The following CDH13 variants were observed in gnomAD, a reference collection of about 807,000 sequenced individuals.
The protein encoded by CDH13 is cadherin 13, also known as cadherin-13.
Under a neutral mutation model 63.8 loss-of-function variants are expected in CDH13, and 24 were observed. That is an observed-to-expected ratio of 0.38 (90% CI 0.27 to 0.53). CDH13 has a LOEUF of 0.53. Among genes scored for constraint, CDH13 ranks in the 20% least tolerant of loss-of-function variants. CDH13 has a pLI of 0.85. For missense variants in CDH13, 1,049 were observed against 903.1 expected, an observed-to-expected ratio of 1.16 and a Z score of -2.07; for synonymous variants, 503 against 355.3, an observed-to-expected ratio of 1.42 and a Z score of -4.67.
chr16:83,151,113 A>T (rs1460753638), intron 4 of CDH13, among the ~76,000 whole-genome samples: 1 of 152,212 alleles, frequency 6.6e-6, no homozygotes, highest in South Asian at 2.1e-4. Context: ...TTATTCACCC[A>T]GATACTAATC....
chr16:83,105,315 T>G (rs1258093701), intron 3 of CDH13, among the ~76,000 whole-genome samples: 1 of 152,244 alleles, frequency 6.6e-6, no homozygotes, highest in Non-Finnish European at 1.5e-5. Context: ...TCTCTGAGTC[T>G]GTCCTGGAAT....
chr16:83,483,401 G>T (rs750423288), intron 6 of CDH13, among the ~76,000 whole-genome samples: 17 of 151,310 alleles, frequency 1.1e-4, no homozygotes, highest in Admixed American at 9.2e-4. Context: ...TATCCAACCT[G>T]TAAACAAAAA....
chr16:83,375,808 A>C (rs551066302), intron 6 of CDH13, among the ~76,000 whole-genome samples: 1 of 152,150 alleles, frequency 6.6e-6, no homozygotes, highest in Non-Finnish European at 1.5e-5. Flanking sequence ...TGAAAGAGTA[A>C]GGCTTGATCT....
intron 8 of CDH13, among the ~76,000 whole-genome samples, chr16:83,623,853 G>C (rs17688206): frequency 0.059 from 9,026 of 152,280 alleles, 392 homozygotes; most frequent in Non-Finnish European, 0.094. Context: ...AGACAAATCA[G>C]TTAGCGGAAG....
At chr16:83,683,200 A>T (rs1269026963) in intron 10 of CDH13, among the ~76,000 whole-genome samples, 1 of 152,270 alleles carries the variant, frequency 6.6e-6, no homozygotes, top group Non-Finnish European at 1.5e-5. Context: ...CTTGTTAAAA[A>T]GCCCTTCACA....
chr16:83,062,461 G>A (rs980313479), intron 3 of CDH13, among the ~76,000 whole-genome samples: 4 of 152,238 alleles, frequency 2.6e-5, no homozygotes, highest in South Asian at 4.1e-4. Context: ...ATTTCTAATC[G>A]AATAGCAGTT....
chr16:82,967,859 C>G (rs780227582), intron 2 of CDH13, among the ~76,000 whole-genome samples: 1 of 152,178 alleles, frequency 6.6e-6, no homozygotes, highest in Non-Finnish European at 1.5e-5. Context: ...TTAATTTTTC[C>G]TCCTTTGTAA....
chr16:83,227,574 C>T (rs1344595381), intron 5 of CDH13, among the ~76,000 whole-genome samples: 1 of 152,210 alleles, frequency 6.6e-6, no homozygotes, highest in Non-Finnish European at 1.5e-5. Context: ...CGATTCTGGC[C>T]TGCCCACTGC....
intron 5 of CDH13, among the ~76,000 whole-genome samples, chr16:83,328,464 T>C (rs560371769): frequency 6.6e-6 from 1 of 152,258 alleles, no homozygotes; most frequent in African/African-American, 2.4e-5. Flanking sequence ...AGAAGACAAT[T>C]GACATAGGAT....
chr16:83,111,317 T>C (rs1395360626), intron 3 of CDH13, among the ~76,000 whole-genome samples: 2 of 152,192 alleles, frequency 1.3e-5, no homozygotes, highest in Non-Finnish European at 2.9e-5. Context: ...GAATGTCCCA[T>C]GTGCAGTGAG....
chr16:83,344,919 G>C lies in CDH13; in HGVS notation c.694G>C (p.Glu232Gln). Reference sequence around the variant, plus strand: ...AACTCTCGAGGGGCCGGTGCCTCTGGAAGTCATTGTGATTGATCAGAATGA... The same window carrying C: ...AACTCTCGAGGGGCCGGTGCCTCTGCAAGTCATTGTGATTGATCAGAATGA... Reference protein sequence around the residue: ...GKTLEGPVPLEVIVIDQNDNR... With the variant: ...GKTLEGPVPLQVIVIDQNDNR... The change falls in exon 6 of 14, where the codon GAA becomes CAA. Residue 232 changes from glutamate to glutamine, a missense_variant. Glu to Gln is a conservative substitution (Grantham distance 29). Coordinates refer to ENST00000567109, the MANE Select transcript of CDH13 (RefSeq NM_001257.5). 6.2e-7 allele frequency: 1 copy of C among 1,613,990 alleles called. No individual in the cohort carries two copies. The highest frequency in any genetic ancestry group is 8.5e-7 in the Non-Finnish European group (1 of 1,179,864).
At chr16:82,959,274 C>A (rs1906594641) in intron 2 of CDH13, among the ~76,000 whole-genome samples, 1 of 152,138 alleles carries the variant, frequency 6.6e-6, no homozygotes, top group African/African-American at 2.4e-5. Flanking sequence ...TTGGTTATGG[C>A]AATATAATTA....
At chr16:83,511,141 C>T (rs977472051) in intron 7 of CDH13, among the ~76,000 whole-genome samples, 4 of 152,146 alleles carry the variant, frequency 2.6e-5, no homozygotes, top group East Asian at 1.9e-4. Flanking sequence ...CACACATGCA[C>T]GCACATGCAC....
chr16:83,014,320 A>T (rs1006928797), intron 2 of CDH13, among the ~76,000 whole-genome samples: 42 of 78,900 alleles, frequency 5.3e-4, no homozygotes, highest in African/African-American at 3.1e-3. Context: ...CCAAATCGAT[A>T]AAAAAAAAAA....
At chr16:83,663,560 T>C (rs1913644701) in intron 8 of CDH13, among the ~76,000 whole-genome samples, 1 of 152,172 alleles carries the variant, frequency 6.6e-6, no homozygotes, top group Non-Finnish European at 1.5e-5. Context: ...GAAAAGTTAG[T>C]GTCTACTTAC....
At chr16:83,747,505 A>G (rs1912701625) in intron 10 of CDH13, among the ~76,000 whole-genome samples, 1 of 152,038 alleles carries the variant, frequency 6.6e-6, no homozygotes, top group Non-Finnish European at 1.5e-5. Context: ...TAAATCACTC[A>G]GTCTTGAGTA....
chr16:82,672,788 C>G (rs1028947157), intron 1 of CDH13, among the ~76,000 whole-genome samples: 1 of 149,694 alleles, frequency 6.7e-6, no homozygotes, highest in African/African-American at 2.5e-5. Context: ...CACACACACA[C>G]ACACACACAC....
chr16:82,955,226 T>C (rs1446211594), intron 2 of CDH13, among the ~76,000 whole-genome samples: 1 of 152,224 alleles, frequency 6.6e-6, no homozygotes, highest in Non-Finnish European at 1.5e-5. Context: ...TTATTGATGA[T>C]TTTAATTTGC....
chr16:83,058,232 G>A, intron 3 of CDH13, among the ~76,000 whole-genome samples: 1 of 152,118 alleles, frequency 6.6e-6, no homozygotes, highest in Non-Finnish European at 1.5e-5. Flanking sequence ...ACTCTCAGAA[G>A]CTTTTTCTAT....
Sources: gnomAD v4.1 joint callset for allele counts (sites outside exome capture counted in the v4.1 genomes callset) on GRCh38, gnomAD v4.1.1 for gene constraint, MANE v1.5 for transcripts, NCBI Gene and HGNC (gene_info 2026-07-23, HGNC 2026-07-21) for gene names.